Variants in SLC8A1 observed in about 807,000 individuals in gnomAD.
The protein encoded by SLC8A1 is sodium/calcium exchanger 1.
Under a neutral mutation model 68.3 loss-of-function variants are expected in SLC8A1, and 18 were observed. The observed-to-expected ratio is 0.26, with a 90% CI of 0.18 to 0.39. The LOEUF (loss-of-function observed/expected upper bound fraction) is 0.39, where lower values mean the gene tolerates loss of function less well. Ranked by LOEUF, SLC8A1 falls within the 10% of genes least tolerant of loss-of-function variation. The pLI is 1.00. For missense variants in SLC8A1, 985 were observed against 1,156.7 expected, an observed-to-expected ratio of 0.85 and a Z score of 2.15; for synonymous variants, 475 against 415.5, an observed-to-expected ratio of 1.14 and a Z score of -1.74.
chr2:40,428,666 T>G, exon 2 of SLC8A1: 1 of 1,613,782 alleles, frequency 6.2e-7, no homozygotes. Flanking sequence ...AAAGTAAAAA[T>G]GCCTGCGTGG....
At chr2:40,510,499 G>A (rs896156744) in intron 1 of SLC8A1, among the ~76,000 whole-genome samples, 3 of 152,158 alleles carry the variant, frequency 2.0e-5, no homozygotes, top group African/African-American at 7.2e-5. Context: ...ACAAACACTA[G>A]TGGCATCATT....
intron 2 of SLC8A1, among the ~76,000 whole-genome samples, chr2:40,304,206 A>G (rs987785085): frequency 3.3e-5 from 5 of 152,214 alleles, no homozygotes; most frequent in African/African-American, 1.2e-4. Flanking sequence ...AAATGCTGTC[A>G]TAACTGGCCC....
intron 2 of SLC8A1, among the ~76,000 whole-genome samples, chr2:40,342,135 G>T (rs1212943487): frequency 6.6e-6 from 1 of 152,026 alleles, no homozygotes; most frequent in Non-Finnish European, 1.5e-5. Flanking sequence ...AATTTGCCTG[G>T]TAGAGATACA....
At chr2:40,461,155 T>G (rs1173559365) in intron 1 of SLC8A1, among the ~76,000 whole-genome samples, 1 of 152,156 alleles carries the variant, frequency 6.6e-6, no homozygotes, top group Non-Finnish European at 1.5e-5. Context: ...TGGTTTCAAG[T>G]GCAACACATA....
At chr2:40,493,364 G>A (rs1193268949) in intron 1 of SLC8A1, among the ~76,000 whole-genome samples, 1 of 108,722 alleles carries the variant, frequency 9.2e-6, no homozygotes, top group African/African-American at 3.5e-5. Context: ...GGGGAGGGGG[G>A]AGGGATAGCT....
intron 6 of SLC8A1, among the ~76,000 whole-genome samples, chr2:40,151,913 C>T (rs1300705922): frequency 6.6e-6 from 1 of 152,072 alleles, no homozygotes; most frequent in Non-Finnish European, 1.5e-5. Flanking sequence ...AGTTAAACTC[C>T]AATGAGGGCA....
At chr2:40,360,429 T>A (rs2149477735) in intron 2 of SLC8A1, among the ~76,000 whole-genome samples, 1 of 152,232 alleles carries the variant, frequency 6.6e-6, no homozygotes, top group South Asian at 2.1e-4. Flanking sequence ...GGCTAACAGG[T>A]ATTTATATAA....
chr2:40,258,434 C>G (rs1041581248), intron 2 of SLC8A1, among the ~76,000 whole-genome samples: 1 of 152,166 alleles, frequency 6.6e-6, no homozygotes, highest in Non-Finnish European at 1.5e-5. Context: ...GAAATATGAT[C>G]TCCTGCACCA....
intron 2 of SLC8A1, among the ~76,000 whole-genome samples, chr2:40,389,180 T>C (rs1211321982): frequency 6.6e-6 from 1 of 152,110 alleles, no homozygotes; most frequent in East Asian, 1.9e-4. Context: ...ATCCTATTTA[T>C]AGGCGTATTT....
intron 6 of SLC8A1, among the ~76,000 whole-genome samples, chr2:40,156,289 C>G (rs546665177): frequency 4.0e-5 from 6 of 150,984 alleles, no homozygotes; most frequent in African/African-American, 1.2e-4. Context: ...ATGATGAAAC[C>G]AAAAATCAGA....
At chr2:40,480,769 G>A (rs1019106752) in intron 1 of SLC8A1, among the ~76,000 whole-genome samples, 5 of 152,098 alleles carry the variant, frequency 3.3e-5, no homozygotes, top group African/African-American at 1.2e-4. Flanking sequence ...ACATATTGTC[G>A]AGAATGAATG....
chr2:40,478,780 T>G (rs1704448200), intron 1 of SLC8A1, among the ~76,000 whole-genome samples: 1 of 152,050 alleles, frequency 6.6e-6, no homozygotes, highest in Non-Finnish European at 1.5e-5. Context: ...GTTTGTTTTT[T>G]TTTTTTTTTA....
intron 6 of SLC8A1, among the ~76,000 whole-genome samples, chr2:40,153,456 G>A (rs143054458): frequency 6.6e-6 from 1 of 152,304 alleles, no homozygotes; most frequent in Non-Finnish European, 1.5e-5. Flanking sequence ...CATGTTATAT[G>A]TACTCTGTAT....
At chr2:40,253,005 ATATG>A (rs752135023) in intron 2 of SLC8A1, among the ~76,000 whole-genome samples, 24 of 133,040 alleles carry the variant, frequency 1.8e-4, no homozygotes, top group South Asian at 9.1e-4. Flanking sequence ...ATATACATAT[ATATG>A]TATCTGTATA....
At chr2:40,456,500 A>T, upstream of SLC8A1, among the ~76,000 whole-genome samples, 1 of 152,178 alleles carries the variant, frequency 6.6e-6, no homozygotes, top group Non-Finnish European at 1.5e-5. Flanking sequence ...AAATAATAGC[A>T]GATTGGTTAA....
At chr2:40,420,688 G>C (rs750803905) in intron 2 of SLC8A1, among the ~76,000 whole-genome samples, 1 of 152,160 alleles carries the variant, frequency 6.6e-6, no homozygotes, top group Non-Finnish European at 1.5e-5. Context: ...GTTAATACAC[G>C]TTCTAGAATC....
chr2:40,171,139 A>G (rs2047418843), intron 4 of SLC8A1, among the ~76,000 whole-genome samples: 1 of 152,132 alleles, frequency 6.6e-6, no homozygotes, highest in Non-Finnish European at 1.5e-5. Context: ...TGTCATCTAA[A>G]CTTGGGCAAG....
At chr2:40,139,528 G>A (rs767521100) in exon 7 of SLC8A1, 23 of 1,614,158 alleles carry the variant, frequency 1.4e-5, no homozygotes, top group Non-Finnish European at 1.9e-5. Flanking sequence ...TGAGGATGGA[G>A]ACAATGAAAC....
intron 2 of SLC8A1, among the ~76,000 whole-genome samples, chr2:40,240,830 A>G (rs1463301988): frequency 3.3e-5 from 5 of 152,172 alleles, no homozygotes; most frequent in Non-Finnish European, 7.4e-5. Context: ...GTGAACCATG[A>G]TCATTGCCAT....
Sources: gnomAD v4.1 joint callset for allele counts (sites outside exome capture counted in the v4.1 genomes callset) on GRCh38, gnomAD v4.1.1 for gene constraint, MANE v1.5 for transcripts, NCBI Gene and HGNC (gene_info 2026-07-23, HGNC 2026-07-21) for gene names.